NPAS3: variants seen among roughly 807,000 people sequenced by gnomAD.
The protein encoded by NPAS3 is neuronal PAS domain-containing protein 3.
A neutral mutation model predicts 73.1 loss-of-function variants in NPAS3; 14 were observed. The ratio of observed to expected loss-of-function variants is 0.19; its 90% confidence interval spans 0.13 to 0.30. The LOEUF is 0.30. Ranked by LOEUF, NPAS3 falls within the 10% of genes least tolerant of loss-of-function variation. The pLI is 1.00. For missense variants in NPAS3, 1,096 were observed against 1,250.0 expected, an observed-to-expected ratio of 0.88 and a Z score of 1.86; for synonymous variants, 620 against 541.5, an observed-to-expected ratio of 1.14 and a Z score of -2.01.
At chr14:33,365,201 CAAAAAAAAA>C (rs371230319) in intron 3 of NPAS3, among the ~76,000 whole-genome samples, 1 of 45,070 alleles carries the variant, frequency 2.2e-5, no homozygotes, top group Non-Finnish European at 3.5e-5. Context: ...CCCATAATCT[CAAAAAAAAA>C]AAAAAAAAAA....
chr14:33,720,739 A>G (rs1287235610), intron 6 of NPAS3, among the ~76,000 whole-genome samples: 4 of 152,200 alleles, frequency 2.6e-5, no homozygotes, highest in African/African-American at 9.6e-5. Context: ...AGTTTGCTCC[A>G]AGGGCTCATT....
intron 5 of NPAS3, among the ~76,000 whole-genome samples, chr14:33,596,022 C>T (rs546571970): frequency 3.3e-5 from 5 of 152,314 alleles, no homozygotes; most frequent in South Asian, 2.1e-4. Flanking sequence ...TAACACTTTA[C>T]GTCGGTACCA....
In NPAS3 at chr14:33,670,526, G is replaced by A. The variant is rs530011315; in HGVS notation, c.559-5685G>A. 2.6e-5 allele frequency among the ~76,000 whole-genome samples: 4 copies of A among 151,646 alleles called. No homozygotes were observed. In the South Asian group the frequency reaches 6.3e-4, roughly 24 times the overall value. ...TTATGAAGATGGCATTAAGATACCGGTAAATCCAAAGAAAACCTATGCTAA... is the reference window on the plus strand; with the variant it reads ...TTATGAAGATGGCATTAAGATACCGATAAATCCAAAGAAAACCTATGCTAA... On this transcript the variant is annotated intron_variant, in intron 5 of 11. Transcript: ENST00000356141.
At chr14:33,370,357 A>G (rs1324874566) in intron 4 of NPAS3, among the ~76,000 whole-genome samples, 1 of 152,196 alleles carries the variant, frequency 6.6e-6, no homozygotes, top group Non-Finnish European at 1.5e-5. Context: ...AGGGAAGAAT[A>G]TTCCAACCAA....
chr14:33,215,528 C>A, intron 3 of NPAS3, 102 bp downstream of exon 3: 4 of 1,283,312 alleles, frequency 3.1e-6, no homozygotes, highest in African/African-American at 1.5e-5. Context: ...CATATCAAAT[C>A]CTTTAAAGGG....
At chr14:33,376,685 G>A (rs187990012) in intron 4 of NPAS3, among the ~76,000 whole-genome samples, 25 of 152,262 alleles carry the variant, frequency 1.6e-4, no homozygotes, top group South Asian at 4.2e-4. Flanking sequence ...CATTATGTGC[G>A]TGGATTTGGG....
intron 3 of NPAS3, among the ~76,000 whole-genome samples, chr14:33,234,667 G>A (rs972685167): frequency 2.6e-4 from 39 of 152,042 alleles, no homozygotes; most frequent in African/African-American, 8.7e-4. Context: ...CATCCTTTGT[G>A]TAGACTCTCT....
chr14:33,067,058 A>G (rs1048018311), intron 2 of NPAS3, among the ~76,000 whole-genome samples: 55 of 152,238 alleles, frequency 3.6e-4, no homozygotes, highest in African/African-American at 1.3e-3. Flanking sequence ...GAGGTCAGGC[A>G]CATTGCTCAG....
intron 4 of NPAS3, among the ~76,000 whole-genome samples, chr14:33,519,523 G>A (rs2053463358): frequency 6.6e-6 from 1 of 152,090 alleles, no homozygotes; most frequent in Admixed American, 6.6e-5. Context: ...GAGCCATCTG[G>A]GTGCCAAATC....
intron 1 of NPAS3, among the ~76,000 whole-genome samples, chr14:32,989,416 G>A (rs2038223739): frequency 6.6e-6 from 1 of 152,064 alleles, no homozygotes; most frequent in Non-Finnish European, 1.5e-5. Flanking sequence ...AGGCCGAGGC[G>A]GGCGGATCAC....
At chr14:33,637,741 G>A (rs774410916) in intron 5 of NPAS3, among the ~76,000 whole-genome samples, 14 of 151,992 alleles carry the variant, frequency 9.2e-5, no homozygotes, top group African/African-American at 2.7e-4. Flanking sequence ...GTTTTTATCC[G>A]TCTCATTATT....
intron 2 of NPAS3, among the ~76,000 whole-genome samples, chr14:33,171,520 G>A (rs1009419609): frequency 6.6e-6 from 1 of 152,168 alleles, no homozygotes; most frequent in Non-Finnish European, 1.5e-5. Flanking sequence ...ACCTCTGCTA[G>A]CTTGCAACTT....
intron 1 of NPAS3, among the ~76,000 whole-genome samples, chr14:32,975,665 AGTTTT>A (rs1043064634): frequency 1.2e-4 from 18 of 152,196 alleles, no homozygotes; most frequent in African/African-American, 3.6e-4. Context: ...ATCTTACATC[AGTTTT>A]GAATACATGT....
intron 3 of NPAS3, among the ~76,000 whole-genome samples, chr14:33,259,820 T>G (rs2048904846): frequency 6.6e-6 from 1 of 151,660 alleles, no homozygotes; most frequent in African/African-American, 2.4e-5. Flanking sequence ...TGTGTTTATT[T>G]TAAAATATGA....
chr14:33,419,129 A>C (rs536126762), intron 4 of NPAS3, among the ~76,000 whole-genome samples: 37 of 152,046 alleles, frequency 2.4e-4, no homozygotes, highest in Admixed American at 1.7e-3. Context: ...AATGATAAAT[A>C]GTTTTTTTAA....
At position 32,972,002 on chromosome 14, in the gene NPAS3, A is replaced by T. The variant is rs1023552664; in HGVS notation, c.50+32636A>T. ...CGACCAGGCAGGAGTGCAGTGGCGC[A>T]ATCTTGGCTCACTGCAAGCTCCACC... is the stretch of plus-strand genomic sequence containing the variant. On this transcript the variant is annotated intron_variant, in intron 1 of 11. Coordinates refer to ENST00000356141, the Ensembl canonical transcript of NPAS3. 2.1e-5 allele frequency among the ~76,000 whole-genome samples: 3 copies of T among 141,940 alleles called. No homozygotes were observed. The Admixed American group carries it at 2.2e-4, about 11-fold the overall frequency. The allele number at this position is 141,940 out of a possible 152,430, so 93.1% of individuals were successfully genotyped here.
intron 2 of NPAS3, chr14:33,214,497 G>A (rs553580580): frequency 1.3e-5 from 2 of 152,124 alleles, no homozygotes; most frequent in East Asian, 3.9e-4. Context: ...TTATTCTCTA[G>A]TATCTTAGAA....
intron 4 of NPAS3, among the ~76,000 whole-genome samples, chr14:33,518,495 A>G (rs996789426): frequency 2.0e-5 from 3 of 152,092 alleles, no homozygotes; most frequent in Non-Finnish European, 4.4e-5. Context: ...CAAGAGAAAA[A>G]GGCAAAGAGA....
At chr14:33,360,173 A>G (rs1253395774) in intron 3 of NPAS3, among the ~76,000 whole-genome samples, 1 of 152,212 alleles carries the variant, frequency 6.6e-6, no homozygotes, top group Non-Finnish European at 1.5e-5. Flanking sequence ...GACTCAGTAC[A>G]TATTTGCCAC....
Sources: gnomAD v4.1 joint callset for allele counts (sites outside exome capture counted in the v4.1 genomes callset) on GRCh38, gnomAD v4.1.1 for gene constraint, MANE v1.5 for transcripts, NCBI Gene and HGNC (gene_info 2026-07-23, HGNC 2026-07-21) for gene names.